Variants in ATP10A observed in about 807,000 individuals in gnomAD.
The protein encoded by ATP10A is phospholipid-transporting ATPase VA.
In ATP10A, 111 loss-of-function variants were observed where a neutral mutation model predicts 147.8. The observed-to-expected ratio is 0.75, with a 90% CI of 0.64 to 0.88. ATP10A has a LOEUF of 0.88. Ranked by LOEUF, ATP10A falls within the 40% of genes least tolerant of loss-of-function variation. The pLI, the probability that ATP10A is intolerant of heterozygous loss-of-function variation, is 0.00. For synonymous variants in ATP10A, 875 were observed against 841.6 expected, an observed-to-expected ratio of 1.04 and a Z score of -0.69; for missense variants, 1,927 against 1,959.0, an observed-to-expected ratio of 0.98 and a Z score of 0.31.
intron 1 of ATP10A, among the ~76,000 whole-genome samples, chr15:25,858,089 T>C (rs1893594660): frequency 6.6e-6 from 1 of 152,236 alleles, no homozygotes; most frequent in African/African-American, 2.4e-5. Flanking sequence ...ATATATGATA[T>C]GTAACAGGTA....
At chr15:25,690,687 A>C (rs1294928673) in intron 15 of ATP10A, among the ~76,000 whole-genome samples, 1 of 152,238 alleles carries the variant, frequency 6.6e-6, no homozygotes, top group East Asian at 1.9e-4. Flanking sequence ...GTGTTGTTCA[A>C]GGGTCCACTG....
intron 1 of ATP10A, among the ~76,000 whole-genome samples, chr15:25,803,869 G>A (rs969664856): frequency 1.3e-5 from 2 of 152,226 alleles, no homozygotes; most frequent in African/African-American, 4.8e-5. Context: ...CACCTCTCCT[G>A]GCACGCACGT....
intron 1 of ATP10A, among the ~76,000 whole-genome samples, chr15:25,792,871 A>ATTTTTTT (rs1463969121): frequency 2.7e-5 from 1 of 37,268 alleles, no homozygotes; most frequent in African/African-American, 9.0e-5. Flanking sequence ...CTCCTTTTCA[A>ATTTTTTT]TCTTTTTTTT....
At chr15:25,715,749 CA>C (rs1901758816) in intron 9 of ATP10A, among the ~76,000 whole-genome samples, 1 of 152,220 alleles carries the variant, frequency 6.6e-6, no homozygotes, top group African/African-American at 2.4e-5. Context: ...GCTGCTGCAG[CA>C]GAGAAAATAC....
At chr15:25,707,487 T>C (rs1449920188) in intron 12 of ATP10A, among the ~76,000 whole-genome samples, 2 of 152,228 alleles carry the variant, frequency 1.3e-5, no homozygotes, top group African/African-American at 2.4e-5. Context: ...CCTTCATTTA[T>C]CACTAATACT....
intron 1 of ATP10A, among the ~76,000 whole-genome samples, chr15:25,810,637 G>A (rs1265911909): frequency 6.6e-6 from 1 of 152,122 alleles, no homozygotes; most frequent in African/African-American, 2.4e-5. Flanking sequence ...GCCTACAAAA[G>A]GCACAAGATC....
chr15:25,685,379 G>A (rs913385888), intron 16 of ATP10A, among the ~76,000 whole-genome samples: 1 of 152,282 alleles, frequency 6.6e-6, no homozygotes, highest in South Asian at 2.1e-4. Context: ...CAGGCAGGAG[G>A]CTGTGCCCGT....
intron 2 of ATP10A, among the ~76,000 whole-genome samples, chr15:25,745,387 C>T (rs559326158): frequency 1.3e-5 from 2 of 151,876 alleles, no homozygotes; most frequent in East Asian, 1.9e-4. Flanking sequence ...AAACTTGTTA[C>T]TGGCACACAA....
intron 2 of ATP10A, among the ~76,000 whole-genome samples, chr15:25,759,370 A>C (rs1888630161): frequency 1.3e-5 from 2 of 152,206 alleles, no homozygotes; most frequent in South Asian, 4.1e-4. Flanking sequence ...AAATAATTTT[A>C]TGTGTGATCA....
At chr15:25,836,092 C>T (rs1297221357) in intron 1 of ATP10A, among the ~76,000 whole-genome samples, 1 of 152,158 alleles carries the variant, frequency 6.6e-6, no homozygotes, top group Non-Finnish European at 1.5e-5. Context: ...GGATTACAGG[C>T]ATGAGCCAAA....
rs200515895 is a variant in ATP10A, at chr15:25,762,076, G to A, written c.654+18943C>T. On this transcript the variant is annotated intron_variant, in intron 2 of 20. Coordinates refer to ENST00000555815, the MANE Select transcript of ATP10A (RefSeq NM_024490.4). ...CTCAGGGGTCGGTTCCCCCCATGCT[G>A]TTCTCGTGACAGTGAGTTCTCATGA... is the stretch of plus-strand genomic sequence containing the variant. Among the ~76,000 whole-genome samples the A allele has an allele frequency of 5.9e-5, 9 of 152,240 alleles. No homozygotes were observed. The East Asian group carries it at 1.5e-3, about 26-fold the overall frequency.
At chr15:25,722,818 C>T (rs948378978) in intron 6 of ATP10A, among the ~76,000 whole-genome samples, 4 of 152,228 alleles carry the variant, frequency 2.6e-5, no homozygotes, top group Non-Finnish European at 4.4e-5. Flanking sequence ...AGTGACCCCA[C>T]TGCCCCCTCG....
chr15:25,774,991 A>G (rs1179654955), intron 2 of ATP10A, among the ~76,000 whole-genome samples: 1 of 152,208 alleles, frequency 6.6e-6, no homozygotes, highest in Non-Finnish European at 1.5e-5. Flanking sequence ...TGAATGTATA[A>G]GAGAAAAACA....
chr15:25,816,649 C>A (rs1481290234), intron 1 of ATP10A, among the ~76,000 whole-genome samples: 1 of 152,148 alleles, frequency 6.6e-6, no homozygotes, highest in Admixed American at 6.5e-5. Context: ...CTTTCCCTAA[C>A]CTTGCAATGT....
chr15:25,733,936 C>T (rs935702309), intron 3 of ATP10A, among the ~76,000 whole-genome samples: 1 of 152,216 alleles, frequency 6.6e-6, no homozygotes, highest in African/African-American at 2.4e-5. Context: ...CCCGGTGGGC[C>T]TGGCTGGCTG....
intron 1 of ATP10A, among the ~76,000 whole-genome samples, chr15:25,819,764 T>C (rs1891803891): frequency 6.6e-6 from 1 of 152,148 alleles, no homozygotes; most frequent in Non-Finnish European, 1.5e-5. Context: ...TGAAATCATG[T>C]CTTTTGCAGT....
At chr15:25,849,856 AT>A (rs1344763346) in intron 1 of ATP10A, among the ~76,000 whole-genome samples, 26 of 152,190 alleles carry the variant, frequency 1.7e-4, no homozygotes, top group Non-Finnish European at 4.4e-5. Flanking sequence ...AAAAAAAAAA[AT>A]AAATGTGTAC....
chr15:25,695,486 A>C (rs1248693545), intron 13 of ATP10A, among the ~76,000 whole-genome samples: 1 of 152,082 alleles, frequency 6.6e-6, no homozygotes, highest in Non-Finnish European at 1.5e-5. Context: ...AAAATTAGCC[A>C]GGCGTGGTGG....
intron 2 of ATP10A, among the ~76,000 whole-genome samples, chr15:25,757,622 G>A (rs551897119): frequency 6.6e-6 from 1 of 152,304 alleles, no homozygotes; most frequent in East Asian, 1.9e-4. Context: ...GTGTAAGTAT[G>A]AGGATTTGTT....
Sources: gnomAD v4.1 joint callset for allele counts (sites outside exome capture counted in the v4.1 genomes callset) on GRCh38, gnomAD v4.1.1 for gene constraint, MANE v1.5 for transcripts, NCBI Gene and HGNC (gene_info 2026-07-23, HGNC 2026-07-21) for gene names.